The following ABCC5 variants were observed in gnomAD, a reference collection of about 807,000 sequenced individuals.
ABCC5 encodes ATP-binding cassette sub-family C member 5.
ABCC5 carries 61 observed loss-of-function variants against 160.9 expected under a neutral mutation model. The ratio of observed to expected loss-of-function variants is 0.38; its 90% CI spans 0.31 to 0.47. ABCC5 has a LOEUF of 0.47. Among genes scored for constraint, ABCC5 ranks in the 20% least tolerant of loss-of-function variants. The pLI, the probability that ABCC5 is intolerant of heterozygous loss-of-function variation, is 0.99. For missense variants in ABCC5, 1,308 were observed against 1,813.3 expected (o/e 0.72, Z 5.06); for synonymous variants, 666 against 700.6 (o/e 0.95, Z 0.78).
rs1340074477 is a variant in ABCC5 at position 183,965,251 on chromosome 3, G to T, written c.1965C>A (p.Asn655Lys). The change falls in exon 14 of 30, where the codon AAC becomes AAA. Residue 655 changes from asparagine (N) to lysine (K), a missense_variant. Coordinates refer to ENST00000334444, the MANE Select transcript of ABCC5 (RefSeq NM_005688.4). ...FGKEYDEERY[N>K]SVLNSCCLRP... Reference sequence around the variant, plus strand: ...TCAGGCAGCAGCTGTTCAGCACAGAGTTGTATCTGGAGGACACAAAGAGAC... The same window carrying T: ...TCAGGCAGCAGCTGTTCAGCACAGATTTGTATCTGGAGGACACAAAGAGAC... 6.2e-7 allele frequency: 1 copy of T among 1,614,262 alleles called. No homozygotes were observed. Among genetic ancestry groups the T allele is most frequent in the South Asian group, 1.1e-5 (1 of 91,088 alleles).
Position 183,971,894 on chromosome 3 carries a change from T to C in ABCC5, c.1430A>G (p.His477Arg), listed in dbSNP as rs193121083. 6.2e-7 allele frequency: 1 copy of C among 1,614,190 alleles called. No individual in the cohort carries two copies. The highest frequency in any genetic ancestry group is 1.7e-5 in the Admixed American group (1 of 60,022). Residue 477 changes from histidine (H) to arginine (R), a missense_variant, in exon 11 of 30, where the codon CAC becomes CGC. His to Arg is a conservative substitution (Grantham distance 29, BLOSUM62 0). This residue lies in a region of ABCC5 where 1,142 missense variants were observed against 1,527.1 expected (regional missense o/e 0.75). Coordinates refer to ENST00000334444, the MANE Select transcript of ABCC5 (RefSeq NM_005688.4). The stretch of plus-strand genomic sequence containing the variant: ...ACTGGCTGGTTTGTTCTTTATCATG[T>C]GAACCTCTTCCATTAGAAACAAACT... ...FKSLFLMEEV[H>R]MIKNKPASPH...
chr3:183,959,831 T>C lies in ABCC5; in HGVS notation c.2384A>G (p.Asn795Ser). ...LLGETPPVEINSKKETSGSQK... is the reference protein window; with the variant it reads ...LLGETPPVEISSKKETSGSQK... Reference sequence around the variant, plus strand: ...TGAACCACTGGTTTCCTTTTTTGAATTGATCTAATAATATTTAAAAAAAAA... The same window carrying C: ...TGAACCACTGGTTTCCTTTTTTGAACTGATCTAATAATATTTAAAAAAAAA... The change falls in exon 17 of 30, where the codon AAT becomes AGT. Residue 795 changes from asparagine (N) to serine (S), a missense_variant. Coordinates refer to ENST00000334444, the MANE Select transcript of ABCC5 (RefSeq NM_005688.4). 6.2e-7 allele frequency: 1 copy of C among 1,605,562 alleles called. No individual in the cohort carries two copies. Among genetic ancestry groups the C allele is most frequent in the Non-Finnish European group, 8.5e-7 (1 of 1,175,122 alleles).
At position 184,010,214 on chromosome 3, in the gene ABCC5, C is replaced by T. The variant is rs1319128907; in HGVS notation, c.129+4050G>A. Among the ~76,000 whole-genome samples the T allele has an allele frequency of 2.2e-5, 3 of 133,772 alleles. No individual in the cohort carries two copies. The South Asian group carries it at 7.0e-4, about 31-fold the overall frequency. The allele number at this position is 133,772 out of a possible 152,430, so 87.8% of individuals were successfully genotyped here. On this transcript the variant is annotated intron_variant, in intron 2 of 29. Transcript: ENST00000334444. ...CCCGGGAGGTGGAGGTTGCAGTGAG[C>T]TGAGATTGCACCACTGCACTCCAGC...
chr3:184,000,086 C>T (rs1039891810), intron 2 of ABCC5, among the ~76,000 whole-genome samples: 3 of 151,866 alleles, frequency 2.0e-5, no homozygotes, highest in Non-Finnish European at 4.4e-5. Context: ...TGGCTGGGCG[C>T]GGCGGCTCAC....
At chr3:183,935,038 TC>T (rs202194562) in intron 26 of ABCC5, among the ~76,000 whole-genome samples, 1 of 152,034 alleles carries the variant, frequency 6.6e-6, no homozygotes, top group African/African-American at 2.4e-5. Flanking sequence ...ATTTTTTTTT[TC>T]AAGGTGTTCC....
At chr3:184,000,212 G>A (rs1720635150) in intron 2 of ABCC5, among the ~76,000 whole-genome samples, 1 of 151,800 alleles carries the variant, frequency 6.6e-6, no homozygotes, top group African/African-American at 2.4e-5. Context: ...ATACAAAAAA[G>A]GGACACCGTT....
At chr3:183,933,165 CAAAA>C (rs55863712) in intron 26 of ABCC5, among the ~76,000 whole-genome samples, 2 of 73,722 alleles carry the variant, frequency 2.7e-5, no homozygotes, top group Non-Finnish European at 2.7e-5. Flanking sequence ...GAGACTGTCT[CAAAA>C]AAAAAAAAAA....
chr3:183,984,780 G>T, intron 5 of ABCC5: 1 of 1,552,410 alleles, frequency 6.4e-7, no homozygotes, highest in South Asian at 1.2e-5. Flanking sequence ...ATGTGGAACT[G>T]AGTCACAGGG....
intron 2 of ABCC5, among the ~76,000 whole-genome samples, chr3:183,993,474 ACC>A (rs760271591): frequency 3.9e-4 from 42 of 108,796 alleles, no homozygotes; most frequent in Admixed American, 1.1e-3. Context: ...ACAGAGCAAG[ACC>A]CTGTCTCAAA....
chr3:183,986,063 A>G (rs1719192967), intron 5 of ABCC5: 1 of 152,916 alleles, frequency 6.5e-6, no homozygotes, highest in Non-Finnish European at 1.5e-5. Context: ...AAAACTTGTA[A>G]AAATCTAAAA....
chr3:183,933,934 G>A (rs964228153), intron 26 of ABCC5, among the ~76,000 whole-genome samples: 2 of 152,164 alleles, frequency 1.3e-5, no homozygotes, highest in Non-Finnish European at 2.9e-5. Context: ...GTCTCTAGGA[G>A]GCAGCTGAGG....
chr3:183,964,779 A>G (rs567052002), intron 14 of ABCC5, among the ~76,000 whole-genome samples: 6 of 152,318 alleles, frequency 3.9e-5, no homozygotes, highest in African/African-American at 1.4e-4. Flanking sequence ...CAGAGACCCA[A>G]AGAAATGTGG....
chr3:183,956,341 T>C (rs183324991), intron 17 of ABCC5, among the ~76,000 whole-genome samples: 213 of 151,748 alleles, frequency 1.4e-3, no homozygotes, highest in Non-Finnish European at 2.5e-3. Context: ...TACATGCAGA[T>C]CCGTGTGTAT....
At chr3:183,983,824 A>G (rs968984062) in intron 5 of ABCC5, 13 of 985,364 alleles carry the variant, frequency 1.3e-5, no homozygotes, top group Non-Finnish European at 1.6e-5. Flanking sequence ...TCTCACAAAC[A>G]CTGTACAGCA....
intron 17 of ABCC5, among the ~76,000 whole-genome samples, chr3:183,956,327 C>T (rs1364031529): frequency 6.6e-6 from 1 of 151,002 alleles, no homozygotes; most frequent in African/African-American, 2.4e-5. Flanking sequence ...TAAATCACAT[C>T]GGTTACATGC....
Position 183,921,180 on chromosome 3 carries a change from G to T in ABCC5, c.*120C>A. 1.7e-6 allele frequency: 1 copy of T among 586,286 alleles called. No homozygotes were observed. Among genetic ancestry groups the T allele is most frequent in the Non-Finnish European group, 3.1e-6 (1 of 320,500 alleles). The allele number at this position is 586,286 out of a possible 1,614,324, so 36.3% of individuals were successfully genotyped here. A position where few individuals can be genotyped will look rare whatever the true frequency, so the allele number is the denominator to read the frequency against. On this transcript the variant is annotated 3_prime_UTR_variant, in exon 30 of 30. Transcript: ENST00000334444. This position sits in a 1 kb window ranked among gnomAD's most constrained non-coding sequence, Gnocchi z 4.1. ...GAAACACACAAGCCAATCCGGAACT[G>T]CTGTGCGAAAGATAAAATCGAGAAA... is the stretch of plus-strand genomic sequence containing the variant.
At chr3:183,961,020 C>T (rs1031351084) in intron 16 of ABCC5, among the ~76,000 whole-genome samples, 10 of 152,110 alleles carry the variant, frequency 6.6e-5, no homozygotes, top group African/African-American at 1.7e-4. Flanking sequence ...AATTCCTGGG[C>T]GCAAGCAATC....
intron 14 of ABCC5, among the ~76,000 whole-genome samples, chr3:183,964,889 C>T (rs1033367661): frequency 1.3e-5 from 2 of 152,228 alleles, no homozygotes; most frequent in African/African-American, 4.8e-5. Flanking sequence ...GCTCAACATG[C>T]ACACGCTTAC....
At position 183,949,706 on chromosome 3, in the gene ABCC5, G is replaced by C; in HGVS notation, c.3227+47C>G. ...GCCTCCCGGACAAGTATCAAACGCT[G>C]GGATGCTGACTCCCCTTTGAGGCCT... On this transcript the variant is annotated intron_variant, in intron 22 of 29. Coordinates refer to ENST00000334444, the MANE Select transcript of ABCC5 (RefSeq NM_005688.4). The surrounding 1 kb of genome is among the most constrained non-coding windows in gnomAD (Gnocchi z 4.2). The C allele has an allele frequency of 6.2e-7, 1 of 1,603,940 alleles. No homozygotes were observed. Among genetic ancestry groups the C allele is most frequent in the South Asian group, 1.1e-5 (1 of 90,020 alleles).
Sources: allele counts gnomAD v4.1 joint callset (sites outside exome capture counted in the v4.1 genomes callset), GRCh38; gene constraint gnomAD v4.1.1; regional missense constraint gnomAD v4.1.1; non-coding constraint Gnocchi (gnomAD v3.1); transcripts MANE v1.5; gene names NCBI Gene and HGNC (gene_info 2026-07-23, HGNC 2026-07-21).